PRIMPOL: variants seen among roughly 807,000 people sequenced by gnomAD.
PRIMPOL encodes the protein primase and DNA directed polymerase.
Under a neutral mutation model 63.6 loss-of-function variants are expected in PRIMPOL, and 54 were observed. That is an observed-to-expected ratio of 0.85 (90% CI 0.68 to 1.07). The LOEUF (loss-of-function observed/expected upper bound fraction) is 1.07. PRIMPOL is among the 50% of genes least tolerant of loss of function. PRIMPOL has a pLI of 0.00. For missense variants in PRIMPOL, 610 were observed against 648.3 expected, an observed-to-expected ratio of 0.94 and a Z score of 0.64; for synonymous variants, 197 against 220.2, an observed-to-expected ratio of 0.89 and a Z score of 0.93.
At chr4:184,691,809 A>C in intron 13 of PRIMPOL, 97 bp downstream of exon 13, 1 of 849,932 alleles carries the variant, frequency 1.2e-6, no homozygotes, top group Admixed American at 2.1e-5. Flanking sequence ...ATTGAAACCC[A>C]TTTGCTACCT....
At position 184,668,452 on chromosome 4, in the gene PRIMPOL, A is replaced by G. The variant is rs114767108; in HGVS notation, c.556+2388A>G. ...CTTCAGGCAAAAGCATGGATGCCGT[A>G]GCTTGCAAAGCGAGGCCCGCTGTGC... On this transcript the variant is annotated intron_variant, in intron 6 of 13. Transcript: ENST00000314970. Among the ~76,000 whole-genome samples the G allele has an allele frequency of 2.9e-3, 446 of 152,350 alleles. 4 individuals carry two copies. Among genetic ancestry groups the G allele is most frequent in the African/African-American group, 0.01 (423 of 41,584 alleles).
Position 184,678,299 on chromosome 4 carries a change from G to A in PRIMPOL, c.912G>A (p.Leu304=). 6.2e-7 allele frequency: 1 copy of A among 1,606,444 alleles called. No individual in the cohort carries two copies. Among genetic ancestry groups the A allele is most frequent in the African/African-American group, 1.3e-5 (1 of 74,610 alleles). ...KSSKIGKRVA[L]EVTEDNKFFP... is the part of the protein sequence containing the mutation. ...CAAAAATTGGAAAGCGTGTGGCTTT[G>A]GAGGTTACTGAAGATAACAAATTTT... is the stretch of plus-strand genomic sequence containing the variant. Residue 304 remains leucine (L), a synonymous_variant, in exon 8 of 14, where the codon TTG becomes TTA. Transcript: ENST00000314970.
chr4:184,665,380 G>T (rs1749566845), intron 5 of PRIMPOL, among the ~76,000 whole-genome samples: 1 of 151,898 alleles, frequency 6.6e-6, no homozygotes, highest in Non-Finnish European at 1.5e-5. Flanking sequence ...TTTCTATTGT[G>T]CATGGCCTTC....
At chr4:184,660,481 G>A (rs899630681) in intron 4 of PRIMPOL, among the ~76,000 whole-genome samples, 3 of 152,030 alleles carry the variant, frequency 2.0e-5, no homozygotes, top group Admixed American at 6.6e-5. Context: ...GCACCCAGCC[G>A]TATTCAAGTA....
chr4:184,674,132 C>T (rs1408441800), intron 7 of PRIMPOL, among the ~76,000 whole-genome samples: 1 of 152,150 alleles, frequency 6.6e-6, no homozygotes, highest in Non-Finnish European at 1.5e-5. Flanking sequence ...CACAGCACAC[C>T]TAACCTTGAA....
In PRIMPOL at chr4:184,668,450, G is replaced by C. The variant is rs372830745; in HGVS notation, c.556+2386G>C. ...GCCTTCAGGCAAAAGCATGGATGCC[G>C]TAGCTTGCAAAGCGAGGCCCGCTGT... On this transcript the variant is annotated intron_variant, in intron 6 of 13. Transcript: ENST00000314970. 2.6e-5 allele frequency among the ~76,000 whole-genome samples: 4 copies of C among 152,358 alleles called. No homozygotes were observed. The South Asian group carries it at 8.3e-4, about 32-fold the overall frequency.
chr4:184,651,157 G>A (rs1465082892), intron 1 of PRIMPOL, among the ~76,000 whole-genome samples: 2 of 152,060 alleles, frequency 1.3e-5, no homozygotes, highest in Admixed American at 1.3e-4. Flanking sequence ...CGGGTGCAGT[G>A]GTGGGCACCT....
intron 2 of PRIMPOL, among the ~76,000 whole-genome samples, chr4:184,655,837 C>G (rs886105287): frequency 4.3e-4 from 65 of 152,148 alleles, no homozygotes; most frequent in Non-Finnish European, 4.4e-5. Context: ...CTGTTTTCCA[C>G]ATAGGTAAAT....
chr4:184,658,068 C>T (rs1470443415), intron 3 of PRIMPOL, among the ~76,000 whole-genome samples: 1 of 129,018 alleles, frequency 7.8e-6, no homozygotes, highest in Non-Finnish European at 1.6e-5. Context: ...GTGTATTGCA[C>T]ATTCTTTTTT....
intron 5 of PRIMPOL, among the ~76,000 whole-genome samples, chr4:184,665,058 T>C (rs1280266796): frequency 6.6e-6 from 1 of 152,192 alleles, no homozygotes; most frequent in African/African-American, 2.4e-5. Context: ...TCATAAACAT[T>C]TTTGCTCATG....
rs569708642 is a variant in PRIMPOL, at chr4:184,651,481, A to G, written c.-137-542A>G. 1.3e-4 allele frequency among the ~76,000 whole-genome samples: 20 copies of G among 152,284 alleles called. 1 individual carries two copies. Among genetic ancestry groups the G allele is most frequent in the Middle Eastern group, 3.4e-3 (1 of 294 alleles). ...AATAGGACCCACTCCCAACCTTAAC[A>G]GTGGCTCTGCAGAGCAGTAATTTGC... On this transcript the variant is annotated intron_variant, in intron 1 of 13. Transcript: ENST00000314970.
chr4:184,694,345 T>A lies in PRIMPOL; in HGVS notation c.1426-177T>A, dbSNP rs535068986. 4.3e-6 allele frequency: 6 copies of A among 1,389,224 alleles called. No homozygotes were observed. In the African/African-American group the frequency reaches 4.3e-5, roughly 10 times the overall value. The allele number at this position is 1,389,224 out of a possible 1,614,324, so 86.1% of individuals were successfully genotyped here. On this transcript the variant is annotated intron_variant, in intron 13 of 13. Transcript: ENST00000314970. ...GTGTCTGAGCTTCAGTGCAGCAACGTTTGAATCAGTGCACTCATTCCCACG... is the reference window on the plus strand; with the variant it reads ...GTGTCTGAGCTTCAGTGCAGCAACGATTGAATCAGTGCACTCATTCCCACG...
At chr4:184,679,896 A>C (rs894022827) in intron 8 of PRIMPOL, among the ~76,000 whole-genome samples, 1 of 151,996 alleles carries the variant, frequency 6.6e-6, no homozygotes, top group Admixed American at 6.5e-5. Context: ...CCCCTGCCCC[A>C]CCCATGGAAA....
chr4:184,671,095 G>A (rs970562954), intron 6 of PRIMPOL, among the ~76,000 whole-genome samples: 1 of 152,182 alleles, frequency 6.6e-6, no homozygotes, highest in Non-Finnish European at 1.5e-5. Context: ...TGAGTTTGAA[G>A]AAGTTCTGGA....
chr4:184,657,057 C>A (rs1746651467), intron 2 of PRIMPOL, 25 bp from the exon 3 acceptor site: 2 of 966,312 alleles, frequency 2.1e-6, no homozygotes, highest in South Asian at 2.9e-5. Flanking sequence ...AAATTAATGG[C>A]CTTTTTGTTT....
Position 184,657,094 on chromosome 4 carries a change from G to C in PRIMPOL, c.-47G>C. Reference sequence around the variant, plus strand: ...TTGTTTGTTTTAGTAGTAATTGATAGAAATATTACGTGGGATAGGATTTAT... The same window carrying C: ...TTGTTTGTTTTAGTAGTAATTGATACAAATATTACGTGGGATAGGATTTAT... On this transcript the variant is annotated 5_prime_UTR_variant, in exon 3 of 14. Coordinates refer to ENST00000314970, the MANE Select transcript of PRIMPOL (RefSeq NM_152683.4). The C allele has an allele frequency of 7.4e-7, 1 of 1,350,484 alleles. No homozygotes were observed. Among genetic ancestry groups the C allele is most frequent in the Non-Finnish European group, 9.8e-7 (1 of 1,017,332 alleles). The allele number at this position is 1,350,484 out of a possible 1,614,324, so 83.7% of individuals were successfully genotyped here.
In PRIMPOL at chr4:184,666,066, T is replaced by G; in HGVS notation, c.556+2T>G. 1 of 1,598,216 alleles carries G rather than the reference T, an allele frequency of 6.3e-7. No individual in the cohort carries two copies. The highest frequency in any genetic ancestry group is 1.3e-5 in the African/African-American group (1 of 74,350). On this transcript the variant is annotated splice_donor_variant, in intron 6 of 13. Transcript: ENST00000314970. LOFTEE classifies it high-confidence loss of function. ...CATTTAAAGATAATATTCATGTTGG[T>G]AAGTACACGGCTTTTTAAAAATCAT...
intron 6 of PRIMPOL, among the ~76,000 whole-genome samples, chr4:184,671,930 C>T (rs191467170): frequency 2.7e-4 from 41 of 151,698 alleles, no homozygotes; most frequent in East Asian, 9.7e-4. Flanking sequence ...TTAGTAGAGA[C>T]GGGGTTTCAC....
intron 7 of PRIMPOL, among the ~76,000 whole-genome samples, chr4:184,673,372 G>T (rs937012378): frequency 2.7e-5 from 4 of 150,838 alleles, no homozygotes; most frequent in African/African-American, 9.8e-5. Flanking sequence ...GTTGTCATCC[G>T]CCCGCCTCGG....
Sources: gnomAD v4.1 joint callset for allele counts (sites outside exome capture counted in the v4.1 genomes callset) on GRCh38, gnomAD v4.1.1 for gene constraint, MANE v1.5 for transcripts, NCBI Gene and HGNC (gene_info 2026-07-23, HGNC 2026-07-21) for gene names.